Variants in CTIF observed in about 807,000 individuals in gnomAD.
The protein encoded by CTIF is cap binding complex dependent translation initiation factor.
Under a neutral mutation model 66.0 loss-of-function variants are expected in CTIF, and 21 were observed. That is an observed-to-expected ratio of 0.32 (90% CI 0.23 to 0.46). The LOEUF (loss-of-function observed/expected upper bound fraction) is 0.46. CTIF is among the 20% of genes least tolerant of loss of function. The probability of loss-of-function intolerance (pLI) is 1.00; values close to 1 mark genes in which losing one functional copy is unlikely to be tolerated. For missense variants in CTIF, 739 were observed against 812.7 expected, an observed-to-expected ratio of 0.91 and a Z score of 1.10; for synonymous variants, 345 against 326.4, an observed-to-expected ratio of 1.06 and a Z score of -0.62.
chr18:48,711,524 T>A, intron 6 of CTIF, 95 bp from the exon 7 acceptor site: 3 of 919,960 alleles, frequency 3.3e-6, no homozygotes, highest in Non-Finnish European at 5.2e-6. Context: ...GATGTCTTTC[T>A]GTCTTAGATG....
chr18:48,627,325 T>A (rs950269223), intron 2 of CTIF, among the ~76,000 whole-genome samples: 9 of 152,096 alleles, frequency 5.9e-5, no homozygotes, highest in Non-Finnish European at 1.0e-4. Context: ...TCTGTCTCAG[T>A]TTCTCACAGG....
At chr18:48,603,775 GT>G (rs1283749104) in intron 1 of CTIF, among the ~76,000 whole-genome samples, 1 of 152,072 alleles carries the variant, frequency 6.6e-6, no homozygotes, top group Non-Finnish European at 1.5e-5. Context: ...CTCATCTTTG[GT>G]GAGGCAACAG....
chr18:48,587,983 C>A (rs1441940149), intron 1 of CTIF, among the ~76,000 whole-genome samples: 1 of 152,214 alleles, frequency 6.6e-6, no homozygotes, highest in Admixed American at 6.5e-5. Flanking sequence ...ATGTGCTTGA[C>A]AGTGGGAAAA....
At chr18:48,817,940 G>A (rs1337702102) in intron 10 of CTIF, among the ~76,000 whole-genome samples, 1 of 152,240 alleles carries the variant, frequency 6.6e-6, no homozygotes, top group Admixed American at 6.5e-5. Context: ...TCCCAATCGG[G>A]AGCACTGGCT....
chr18:48,694,354 G>A (rs1207595743), intron 6 of CTIF, among the ~76,000 whole-genome samples: 1 of 152,248 alleles, frequency 6.6e-6, no homozygotes, highest in Admixed American at 6.5e-5. Flanking sequence ...GCAGGGAGGG[G>A]ATGAGAGCTG....
chr18:48,698,262 T>G (rs2092035546), intron 6 of CTIF, among the ~76,000 whole-genome samples: 1 of 151,934 alleles, frequency 6.6e-6, no homozygotes, highest in Non-Finnish European at 1.5e-5. Context: ...GCTGGGTGAT[T>G]CAGCTGCAGG....
intron 1 of CTIF, among the ~76,000 whole-genome samples, chr18:48,570,348 C>T (rs7232821): frequency 0.88 from 133,605 of 152,270 alleles, 58,796 homozygotes; most frequent in East Asian, 1. Flanking sequence ...TGTTTGGGTG[C>T]CAGAGTCTGA....
intron 6 of CTIF, among the ~76,000 whole-genome samples, chr18:48,700,479 C>T (rs1305046106): frequency 6.6e-6 from 1 of 152,172 alleles, no homozygotes; most frequent in Non-Finnish European, 1.5e-5. Flanking sequence ...TTGGAGGCTT[C>T]CCCCCGGCAC....
chr18:48,602,527 T>C (rs2090108815), intron 1 of CTIF, among the ~76,000 whole-genome samples: 1 of 152,258 alleles, frequency 6.6e-6, no homozygotes, highest in Non-Finnish European at 1.5e-5. Context: ...TGGTGAGCCT[T>C]ACAGTTGATG....
rs1444630528 is a variant in CTIF at position 48,759,552 on chromosome 18, GC to G, written c.1071+1148del. 7.2e-5 allele frequency among the ~76,000 whole-genome samples: 11 copies of G among 152,310 alleles called. 2 individuals carry two copies. On this transcript the variant is annotated intron_variant, in intron 8 of 11. Transcript: ENST00000256413. ...GTGGAAACAGCACGGGCTTTAGAGC[GC>G]AGCTGAGCAGGCTCAGACCTCACTT...
intron 1 of CTIF, among the ~76,000 whole-genome samples, chr18:48,541,222 C>T (rs186816538): frequency 0.015 from 2,216 of 152,228 alleles, 51 homozygotes; most frequent in African/African-American, 0.051. Flanking sequence ...CAGCGCGCCC[C>T]AGCCCGGCCC....
chr18:48,615,438 C>G (rs189773601), intron 1 of CTIF, among the ~76,000 whole-genome samples: 182 of 152,314 alleles, frequency 1.2e-3, no homozygotes, highest in African/African-American at 4.1e-3. Flanking sequence ...CGCTGCGGAA[C>G]AGGGAAGTGA....
intron 5 of CTIF, among the ~76,000 whole-genome samples, chr18:48,666,994 G>A (rs898813632): frequency 3.3e-5 from 5 of 151,416 alleles, no homozygotes; most frequent in Admixed American, 6.6e-5. Flanking sequence ...AGGAATAGGA[G>A]CAGGATTTTG....
intron 1 of CTIF, among the ~76,000 whole-genome samples, chr18:48,582,624 G>T (rs1289907723): frequency 6.6e-6 from 1 of 152,144 alleles, no homozygotes; most frequent in Non-Finnish European, 1.5e-5. Flanking sequence ...GACCTTCCTG[G>T]CTTCCCTGCT....
At chr18:48,559,707 A>G (rs189801126) in intron 1 of CTIF, among the ~76,000 whole-genome samples, 1 of 152,162 alleles carries the variant, frequency 6.6e-6, no homozygotes, top group Non-Finnish European at 1.5e-5. Flanking sequence ...AGGTTTCTCC[A>G]CAAGGCTGCT....
chr18:48,749,833 C>T (rs1323771647), intron 7 of CTIF, among the ~76,000 whole-genome samples: 3 of 152,164 alleles, frequency 2.0e-5, no homozygotes, highest in East Asian at 1.9e-4. Context: ...CTGTGAAGCT[C>T]GGGGGATGCC....
At position 48,860,458 on chromosome 18, in the gene CTIF, G is replaced by T. The variant is rs2069439581; in HGVS notation, c.*899G>T. 1 of 157,214 alleles carries T rather than the reference G, an allele frequency of 6.4e-6. No homozygotes were observed. The highest frequency in any genetic ancestry group is 2.4e-5 in the African/African-American group (1 of 41,478). The allele number at this position is 157,214 out of a possible 1,614,324, so 9.7% of individuals were successfully genotyped here. On this transcript the variant is annotated 3_prime_UTR_variant, in exon 12 of 12. Transcript: ENST00000256413. ...ATTGGAAACTTCTGCCCCGGCGGGGGGTCCCCGCTGGAATCCTGTGTTCCT... is the reference window on the plus strand; with the variant it reads ...ATTGGAAACTTCTGCCCCGGCGGGGTGTCCCCGCTGGAATCCTGTGTTCCT...
intron 10 of CTIF, among the ~76,000 whole-genome samples, chr18:48,834,132 G>C (rs2146479076): frequency 6.6e-6 from 1 of 151,802 alleles, no homozygotes; most frequent in African/African-American, 2.4e-5. Flanking sequence ...AATATTTTAG[G>C]CTCTGCAGGC....
chr18:48,801,170 G>T (rs755346191), intron 9 of CTIF, among the ~76,000 whole-genome samples: 2 of 152,160 alleles, frequency 1.3e-5, no homozygotes, highest in African/African-American at 2.4e-5. Context: ...ACACAGAATG[G>T]CACACTGTGA....
Sources: allele counts gnomAD v4.1 joint callset (sites outside exome capture counted in the v4.1 genomes callset), GRCh38; gene constraint gnomAD v4.1.1; transcripts MANE v1.5; gene names NCBI Gene and HGNC (gene_info 2026-07-23, HGNC 2026-07-21).